The following ACVR1C variants were observed in gnomAD, a reference collection of about 807,000 sequenced individuals.
ACVR1C encodes activin receptor type-1C.
Under a neutral mutation model 57.9 loss-of-function variants are expected in ACVR1C, and 23 were observed. The ratio of observed to expected loss-of-function variants is 0.40; its 90% CI spans 0.29 to 0.56. ACVR1C has a LOEUF of 0.56. Ranked by LOEUF, ACVR1C falls within the 20% of genes least tolerant of loss-of-function variation. ACVR1C has a pLI of 0.50. For synonymous variants in ACVR1C, 214 were observed against 215.3 expected, an observed-to-expected ratio of 0.99 and a Z score of 0.05; for missense variants, 480 against 607.9, an observed-to-expected ratio of 0.79 and a Z score of 2.21.
At chr2:157,611,039 T>TG in intron 1 of ACVR1C, among the ~76,000 whole-genome samples, 1 of 152,322 alleles carries the variant, frequency 6.6e-6, no homozygotes, top group African/African-American at 2.4e-5. Context: ...CCTTTTTGAT[T>TG]GGGATATGTT....
chr2:157,552,616 A>G (rs1223811849), intron 3 of ACVR1C, among the ~76,000 whole-genome samples: 2 of 152,182 alleles, frequency 1.3e-5, no homozygotes, highest in Non-Finnish European at 2.9e-5. Context: ...CACTACCCAA[A>G]ACACAACAAA....
intron 1 of ACVR1C, among the ~76,000 whole-genome samples, chr2:157,592,286 T>C (rs1230034053): frequency 6.6e-6 from 1 of 152,068 alleles, no homozygotes; most frequent in Admixed American, 6.6e-5. Context: ...TGGCTCCTTA[T>C]AAAAATGATT....
intron 3 of ACVR1C, among the ~76,000 whole-genome samples, chr2:157,554,291 G>C (rs977007466): frequency 7.5e-6 from 1 of 134,090 alleles, no homozygotes; most frequent in Non-Finnish European, 1.6e-5. Flanking sequence ...AAGAGAGAGA[G>C]AGAGAGAAAG....
chr2:157,588,000 A>T (rs1365346121), intron 1 of ACVR1C, among the ~76,000 whole-genome samples: 3 of 152,008 alleles, frequency 2.0e-5, no homozygotes, highest in African/African-American at 7.2e-5. Flanking sequence ...AGTTCCTTTG[A>T]GGCATTGGTG....
At chr2:157,611,012 C>T (rs916200715) in intron 1 of ACVR1C, among the ~76,000 whole-genome samples, 1 of 152,076 alleles carries the variant, frequency 6.6e-6, no homozygotes, top group Non-Finnish European at 1.5e-5. Context: ...AATTCTTTAT[C>T]TGGGATTTGT....
At chr2:157,539,091 A>G (rs1261532305) in intron 7 of ACVR1C, among the ~76,000 whole-genome samples, 2 of 151,778 alleles carry the variant, frequency 1.3e-5, no homozygotes, top group Non-Finnish European at 2.9e-5. Context: ...ACAATTTAAA[A>G]GTGATGCCTA....
chr2:157,611,134 T>C (rs889041386), intron 1 of ACVR1C, among the ~76,000 whole-genome samples: 2 of 152,228 alleles, frequency 1.3e-5, no homozygotes, highest in Non-Finnish European at 2.9e-5. Flanking sequence ...TCTGCACTTC[T>C]GGCATAACAG....
Position 157,628,784 on chromosome 2 carries a change from T to C in ACVR1C, c.-140A>G. The C allele has an allele frequency of 4.6e-6, 3 of 646,274 alleles. No individual in the cohort carries two copies. Among genetic ancestry groups the C allele is most frequent in the Non-Finnish European group, 4.8e-6 (2 of 420,036 alleles). The allele number at this position is 646,274 out of a possible 1,614,324, so 40.0% of individuals were successfully genotyped here. On this transcript the variant is annotated 5_prime_UTR_variant, in exon 1 of 9. It removes the in-frame stop codon of an upstream open reading frame in the 5' UTR. Transcript: ENST00000243349. ...CCCTTTTGAAGTGCGCGGTTGGCTC[T>C]AGTCAGTGTGGGCGCCCCCCTCCCC...
intron 7 of ACVR1C, among the ~76,000 whole-genome samples, chr2:157,539,955 G>A (rs943710963): frequency 1.3e-5 from 2 of 152,158 alleles, no homozygotes; most frequent in African/African-American, 4.8e-5. Flanking sequence ...AGTCTGCAAG[G>A]TTTTTTAAAA....
chr2:157,611,036 G>A (rs1682520458), intron 1 of ACVR1C, among the ~76,000 whole-genome samples: 1 of 152,008 alleles, frequency 6.6e-6, no homozygotes, highest in African/African-American at 2.4e-5. Flanking sequence ...ATTCCTTTTT[G>A]ATTGGGATAT....
Position 157,556,217 on chromosome 2 carries a change from C to T in ACVR1C, c.420G>A (p.Gln140=). ...MLTVWACQGR[Q]CSYRKKKRPN... ...GTCTCTTTTTCTTCCTGTAGGAGCA[C>T]TGTCGACCCTGGCATGCCCATACTG... Residue 140 remains glutamine (Q), a synonymous_variant, in exon 3 of 9, where the codon CAG becomes CAA. Transcript: ENST00000243349. 1 of 1,614,058 alleles carries T rather than the reference C, an allele frequency of 6.2e-7. No individual in the cohort carries two copies. The highest frequency in any genetic ancestry group is 8.5e-7 in the Non-Finnish European group (1 of 1,179,966).
chr2:157,560,198 G>C (rs1311838124), intron 2 of ACVR1C, among the ~76,000 whole-genome samples: 1 of 152,066 alleles, frequency 6.6e-6, no homozygotes, highest in African/African-American at 2.4e-5. Context: ...TTGCTTTAAG[G>C]AGAGCCTCAA....
At chr2:157,558,652 C>T (rs900661278) in intron 2 of ACVR1C, among the ~76,000 whole-genome samples, 3 of 152,220 alleles carry the variant, frequency 2.0e-5, no homozygotes, top group African/African-American at 7.2e-5. Context: ...CTGAGTGTTT[C>T]GGAATTCCTC....
At chr2:157,554,187 A>T (rs1185657123) in intron 3 of ACVR1C, among the ~76,000 whole-genome samples, 1 of 85,002 alleles carries the variant, frequency 1.2e-5, no homozygotes, top group Non-Finnish European at 2.3e-5. Context: ...TGGAAAAAAA[A>T]AAAATAAAGA....
intron 8 of ACVR1C, among the ~76,000 whole-genome samples, chr2:157,538,102 C>G (rs148099205): frequency 7.2e-5 from 11 of 152,276 alleles, no homozygotes; most frequent in African/African-American, 2.2e-4. Context: ...GCCTAGCCCC[C>G]CTGCAGGTGG....
chr2:157,597,512 C>G (rs146542428), intron 1 of ACVR1C: 2 of 985,316 alleles, frequency 2.0e-6, no homozygotes, highest in African/African-American at 1.7e-5. Context: ...AATTCGGCCC[C>G]GACGACAGCT....
chr2:157,546,569 G>T (rs545881743), intron 4 of ACVR1C, among the ~76,000 whole-genome samples: 19 of 152,072 alleles, frequency 1.2e-4, no homozygotes, highest in Middle Eastern at 6.8e-3. Context: ...TTAGATTGGG[G>T]TTACAATCTT....
intron 2 of ACVR1C, among the ~76,000 whole-genome samples, chr2:157,580,035 C>T (rs758552848): frequency 1.1e-4 from 16 of 151,838 alleles, no homozygotes; most frequent in Non-Finnish European, 2.2e-4. Context: ...CTCACGCACC[C>T]CCTCTCTTCC....
Position 157,623,477 on chromosome 2 carries a change from C to G in ACVR1C, c.73+5095G>C, listed in dbSNP as rs556026355. On this transcript the variant is annotated intron_variant, in intron 1 of 8. Coordinates refer to ENST00000243349, the MANE Select transcript of ACVR1C (RefSeq NM_145259.3). ...CAACAACATGGATGGAAGTGGAGAT[C>G]ATTATGTTAACTGAAATAAGCCAGG... 7.9e-5 allele frequency among the ~76,000 whole-genome samples: 12 copies of G among 152,180 alleles called. No individual in the cohort carries two copies. The South Asian group carries it at 2.5e-3, about 32-fold the overall frequency.
Sources: gnomAD v4.1 joint callset for allele counts (sites outside exome capture counted in the v4.1 genomes callset) on GRCh38, gnomAD v4.1.1 for gene constraint, MANE v1.5 for transcripts, NCBI Gene and HGNC (gene_info 2026-07-23, HGNC 2026-07-21) for gene names.